The following SHROOM2 variants were observed in gnomAD, a reference collection of about 807,000 sequenced individuals.
SHROOM2 encodes the protein shroom family member 2.
Under a neutral mutation model 75.9 loss-of-function variants are expected in SHROOM2, and 33 were observed. That is an observed-to-expected ratio of 0.43 (90% CI 0.33 to 0.58). The LOEUF (loss-of-function observed/expected upper bound fraction) is 0.58, where lower values mean the gene tolerates loss of function less well. Ranked by LOEUF, SHROOM2 falls within the 20% of genes least tolerant of loss-of-function variation. The pLI is 0.04. For synonymous variants in SHROOM2, 655 were observed against 663.6 expected, an observed-to-expected ratio of 0.99 and a Z score of 0.20; for missense variants, 1,434 against 1,461.2, an observed-to-expected ratio of 0.98 and a Z score of 0.30.
chrX:9,880,337 A>G (rs5979198), intron 2 of SHROOM2, among the ~76,000 whole-genome samples: 37,249 of 111,947 alleles, frequency 0.33, 7,162 homozygotes, highest in African/African-American at 0.73. Context: ...GACGTCCCCA[A>G]AGGCTCTGTC....
At chrX:9,935,259 G>C (rs1359308423) in intron 6 of SHROOM2, among the ~76,000 whole-genome samples, 2 of 110,543 alleles carry the variant, frequency 1.8e-5, no homozygotes, top group South Asian at 3.8e-4. Flanking sequence ...GAGTGCAGAG[G>C]GTTCTGCGTT....
At chrX:9,834,226 C>T (rs183865529) in intron 1 of SHROOM2, among the ~76,000 whole-genome samples, 99 of 111,901 alleles carry the variant, frequency 8.8e-4, no homozygotes, top group African/African-American at 3.1e-3. Flanking sequence ...TCACCCTATC[C>T]CAGGACTGTG....
At chrX:9,881,462 A>AG (rs769456039) in intron 2 of SHROOM2, among the ~76,000 whole-genome samples, 2 of 111,875 alleles carry the variant, frequency 1.8e-5, no homozygotes, top group Admixed American at 9.4e-5. Flanking sequence ...TGATCAAATA[A>AG]GGGAAGATTT....
chrX:9,808,422 C>T (rs1395602911), intron 1 of SHROOM2, among the ~76,000 whole-genome samples: 1 of 108,398 alleles, frequency 9.2e-6, no homozygotes, highest in Non-Finnish European at 1.9e-5. Context: ...TGGTGCACAC[C>T]TATAGTCCCA....
At chrX:9,919,693 A>T (rs1269966594) in intron 5 of SHROOM2, among the ~76,000 whole-genome samples, 2 of 110,805 alleles carry the variant, frequency 1.8e-5, no homozygotes. Context: ...AAAAGTGCGA[A>T]TCAAAACAGA....
intron 2 of SHROOM2, among the ~76,000 whole-genome samples, chrX:9,888,545 A>AT (rs2084273815): frequency 9.0e-6 from 1 of 111,238 alleles, no homozygotes; most frequent in South Asian, 3.8e-4. Flanking sequence ...CTGGGCTCAA[A>AT]TCATCCTCCC....
At chrX:9,925,322 C>T (rs937057817) in intron 5 of SHROOM2, among the ~76,000 whole-genome samples, 3 of 112,494 alleles carry the variant, frequency 2.7e-5, no homozygotes, top group Non-Finnish European at 3.8e-5. Flanking sequence ...CTGGTGGCGC[C>T]GTGCTTCTTC....
At chrX:9,815,693 C>G (rs767963915) in intron 1 of SHROOM2, among the ~76,000 whole-genome samples, 15 of 109,610 alleles carry the variant, frequency 1.4e-4, no homozygotes, top group African/African-American at 4.6e-4. Flanking sequence ...AGAGCTGGTC[C>G]GAGTCCCAAA....
intron 1 of SHROOM2, among the ~76,000 whole-genome samples, chrX:9,861,994 T>C (rs2084106605): frequency 9.0e-6 from 1 of 111,607 alleles, no homozygotes; most frequent in African/African-American, 3.3e-5. Flanking sequence ...GAGTGCTTCA[T>C]AGGAAGCGGG....
rs1213090152 is a variant in SHROOM2 at position 9,898,180 on chromosome X, C to T, written c.2791-10C>T. The T allele has an allele frequency of 8.6e-7, 1 of 1,165,325 alleles. No homozygotes were observed. ...GAGGACTTGGTGTCTCATTATGTTG[C>T]CCTTTGCAGGAAGCTTCTGTCGAAC... On this transcript the variant is annotated splice_polypyrimidine_tract_variant and intron_variant, in intron 4 of 9. Coordinates refer to ENST00000380913, the MANE Select transcript of SHROOM2 (RefSeq NM_001649.4).
At chrX:9,790,977 A>G (rs2083644566) in intron 1 of SHROOM2, among the ~76,000 whole-genome samples, 1 of 110,808 alleles carries the variant, frequency 9.0e-6, no homozygotes. Flanking sequence ...TTCCTCTCTT[A>G]GACATTAACT....
intron 5 of SHROOM2, among the ~76,000 whole-genome samples, chrX:9,924,996 G>T (rs927020374): frequency 2.7e-5 from 3 of 110,999 alleles, no homozygotes; most frequent in Non-Finnish European, 5.7e-5. Context: ...TGGTGCCATT[G>T]TTCCCAGGTG....
intron 1 of SHROOM2, among the ~76,000 whole-genome samples, chrX:9,822,982 ATAATTCTTCTTCTTCTTC>A (rs1306980525): frequency 1.1e-5 from 1 of 90,876 alleles, no homozygotes; most frequent in Admixed American, 1.4e-4. Context: ...AATAAGAATA[ATAATTCTTCTTCTTCTTC>A]TTCTTCTTCT....
At chrX:9,865,782 G>A (rs1240746988) in intron 1 of SHROOM2, among the ~76,000 whole-genome samples, 2 of 109,524 alleles carry the variant, frequency 1.8e-5, no homozygotes, top group African/African-American at 6.7e-5. Context: ...GGATGGTCTC[G>A]ATCTCCTGAC....
chrX:9,915,483 G>A (rs1428260873), intron 5 of SHROOM2, among the ~76,000 whole-genome samples: 4 of 111,838 alleles, frequency 3.6e-5, no homozygotes, highest in East Asian at 2.8e-4. Context: ...AGCCTACTTC[G>A]GTCTTCTTGT....
intron 5 of SHROOM2, among the ~76,000 whole-genome samples, chrX:9,915,178 G>C (rs1417843056): frequency 9.0e-6 from 1 of 111,528 alleles, no homozygotes; most frequent in East Asian, 2.8e-4. Context: ...TGATCTTGAA[G>C]TTTAAATTAT....
At chrX:9,791,747 C>G (rs1289699049) in intron 1 of SHROOM2, among the ~76,000 whole-genome samples, 1 of 110,961 alleles carries the variant, frequency 9.0e-6, no homozygotes, top group Non-Finnish European at 1.9e-5. Flanking sequence ...AATCCCAGCA[C>G]TTTGGGAGGC....
intron 5 of SHROOM2, chrX:9,912,359 A>G (rs1357855636): frequency 5.4e-5 from 6 of 111,286 alleles, no homozygotes; most frequent in African/African-American, 2.0e-4. Flanking sequence ...GGAGTTGCTG[A>G]TGAAGTGATG....
At chrX:9,822,596 C>T (rs948082980) in intron 1 of SHROOM2, among the ~76,000 whole-genome samples, 2 of 112,667 alleles carry the variant, frequency 1.8e-5, no homozygotes, top group Non-Finnish European at 3.8e-5. Context: ...GACTGCTTGC[C>T]TCTCCCTCCC....
Sources: allele counts gnomAD v4.1 joint callset (sites outside exome capture counted in the v4.1 genomes callset), GRCh38; gene constraint gnomAD v4.1.1; transcripts MANE v1.5; gene names NCBI Gene and HGNC (gene_info 2026-07-23, HGNC 2026-07-21).